The following RNASEH2B variants were observed in gnomAD, a reference collection of about 807,000 sequenced individuals.
RNASEH2B encodes ribonuclease H2 subunit B.
RNASEH2B carries 36 observed loss-of-function variants against 45.0 expected under a neutral mutation model. The ratio of observed to expected loss-of-function variants is 0.80; its 90% CI spans 0.61 to 1.06. The LOEUF (loss-of-function observed/expected upper bound fraction) is 1.06. Ranked by LOEUF, RNASEH2B falls within the 50% of genes least tolerant of loss-of-function variation. RNASEH2B has a pLI of 0.00. For synonymous variants in RNASEH2B, 119 were observed against 125.7 expected (o/e 0.95, Z 0.35); for missense variants, 361 against 360.3 (o/e 1.00, Z -0.02).
Position 50,948,388 on chromosome 13 carries a change from G to T in RNASEH2B, c.698+320G>T, listed in dbSNP as rs567896020. On this transcript the variant is annotated intron_variant, in intron 8 of 10. Transcript: ENST00000336617. The stretch of plus-strand genomic sequence containing the variant: ...TTCTTTGTGATCGTTTTAAGAGGAA[G>T]AAAGGAGGGATGGAAAGAGTAGATG... 30 of 221,870 alleles carry T rather than the reference G, an allele frequency of 1.4e-4. No individual in the cohort carries two copies. The Middle Eastern group carries it at 5.1e-3, about 38-fold the overall frequency. 13.7% of individuals were successfully genotyped at this position (221,870 alleles called of 1,614,324 possible). A position where few individuals can be genotyped will look rare whatever the true frequency, so the allele number is the denominator to read the frequency against.
At chr13:50,913,520 G>A (rs911592661) in intron 1 of RNASEH2B, among the ~76,000 whole-genome samples, 2 of 151,582 alleles carry the variant, frequency 1.3e-5, no homozygotes, top group East Asian at 1.9e-4. Context: ...ATCATTTCAG[G>A]CCTGTTAAAA....
At chr13:50,968,125 A>G (rs1048564622) in intron 9 of RNASEH2B, among the ~76,000 whole-genome samples, 1 of 152,186 alleles carries the variant, frequency 6.6e-6, no homozygotes, top group African/African-American at 2.4e-5. Flanking sequence ...CAGTATTTAA[A>G]TTGACCTTAG....
chr13:50,951,290 T>C (rs1002672266), intron 9 of RNASEH2B: 3 of 152,264 alleles, frequency 2.0e-5, no homozygotes, highest in East Asian at 1.9e-4. Context: ...CTAGCTTTCC[T>C]GTCTGTATCC....
chr13:50,961,241 C>T (rs1228194436), downstream of RNASEH2B, among the ~76,000 whole-genome samples: 1 of 152,026 alleles, frequency 6.6e-6, no homozygotes, highest in Non-Finnish European at 1.5e-5. Context: ...TTGTAAGTAT[C>T]CTATTTCTTA....
At chr13:50,964,355 TACTA>T (rs1407981902) in intron 9 of RNASEH2B, among the ~76,000 whole-genome samples, 120 of 152,350 alleles carry the variant, frequency 7.9e-4, no homozygotes, top group African/African-American at 2.5e-3. Context: ...TTCACTATAC[TACTA>T]ACTAATAATA....
intron 7 of RNASEH2B, among the ~76,000 whole-genome samples, chr13:50,946,502 T>C (rs578134460): frequency 6.6e-6 from 1 of 152,258 alleles, no homozygotes; most frequent in South Asian, 2.1e-4. Flanking sequence ...TTAATTGGCT[T>C]TAACAATAGA....
intron 1 of RNASEH2B, among the ~76,000 whole-genome samples, chr13:50,924,018 A>G (rs1447018064): frequency 6.6e-6 from 1 of 152,212 alleles, no homozygotes; most frequent in East Asian, 1.9e-4. Flanking sequence ...CACTAAGAAA[A>G]TAACTCCTTT....
downstream of RNASEH2B, among the ~76,000 whole-genome samples, chr13:50,958,711 T>A (rs1029000686): frequency 3.3e-5 from 5 of 152,230 alleles, no homozygotes; most frequent in African/African-American, 1.2e-4. Context: ...ATATGTTTTT[T>A]AATGACAGTA....
intron 5 of RNASEH2B, chr13:50,942,343 C>T (rs1951843173): frequency 6.6e-6 from 1 of 152,056 alleles, no homozygotes; most frequent in African/African-American, 2.4e-5. Flanking sequence ...CAGATTGAGC[C>T]TACCATAAAT....
chr13:50,961,227 G>A (rs1309291729), downstream of RNASEH2B, among the ~76,000 whole-genome samples: 1 of 151,918 alleles, frequency 6.6e-6, no homozygotes, highest in African/African-American at 2.4e-5. Flanking sequence ...AGTATTCTGG[G>A]ACTTTGTAAG....
At chr13:50,965,291 T>C (rs1458955903) in intron 9 of RNASEH2B, among the ~76,000 whole-genome samples, 1 of 152,246 alleles carries the variant, frequency 6.6e-6, no homozygotes, top group Non-Finnish European at 1.5e-5. Context: ...CAGTAGGCTG[T>C]ACCATATAGC....
chr13:50,919,925 A>G (rs945243306), intron 1 of RNASEH2B, among the ~76,000 whole-genome samples: 3 of 152,176 alleles, frequency 2.0e-5, no homozygotes, highest in Non-Finnish European at 4.4e-5. Context: ...ATTAGACACA[A>G]TTGTCTCTTT....
chr13:50,945,200 T>C (rs1428510059), intron 6 of RNASEH2B, among the ~76,000 whole-genome samples: 2 of 152,196 alleles, frequency 1.3e-5, no homozygotes, highest in African/African-American at 4.8e-5. Flanking sequence ...TCATATTGTG[T>C]AGGCCATGGA....
chr13:50,958,517 G>C (rs1454173866), downstream of RNASEH2B, among the ~76,000 whole-genome samples: 1 of 152,058 alleles, frequency 6.6e-6, no homozygotes, highest in Non-Finnish European at 1.5e-5. Flanking sequence ...TTTGCAGTTG[G>C]GTAATGTGAT....
chr13:50,921,820 A>G (rs1951527373), intron 1 of RNASEH2B, among the ~76,000 whole-genome samples: 1 of 152,194 alleles, frequency 6.6e-6, no homozygotes, highest in South Asian at 2.1e-4. Context: ...TATTCAAGAA[A>G]ATCTTCTGAA....
At chr13:50,926,997 T>A (rs1951606279) in intron 1 of RNASEH2B, among the ~76,000 whole-genome samples, 1 of 152,202 alleles carries the variant, frequency 6.6e-6, no homozygotes, top group Non-Finnish European at 1.5e-5. Flanking sequence ...ATGTTTCTAT[T>A]TGCTTGATTA....
intron 2 of RNASEH2B, among the ~76,000 whole-genome samples, chr13:50,928,932 CTTTTTTTTT>C (rs35147830): frequency 1.1e-5 from 1 of 87,880 alleles, no homozygotes; most frequent in Non-Finnish European, 2.2e-5. Flanking sequence ...TGCCTCCTCC[CTTTTTTTTT>C]TTTTTTTTTT....
chr13:50,948,296 GCT>G, intron 8 of RNASEH2B: 1 of 600,698 alleles, frequency 1.7e-6, no homozygotes. Flanking sequence ...TGGAATTATG[GCT>G]TGGTCTGATT....
intron 9 of RNASEH2B, chr13:50,953,675 C>T (rs1304648847): frequency 3.5e-6 from 2 of 577,644 alleles, no homozygotes; most frequent in African/African-American, 3.7e-5. Flanking sequence ...CATGTACTTA[C>T]CCAATCATAT....
Sources: allele counts gnomAD v4.1 joint callset (sites outside exome capture counted in the v4.1 genomes callset), GRCh38; gene constraint gnomAD v4.1.1; transcripts MANE v1.5; gene names NCBI Gene and HGNC (gene_info 2026-07-23, HGNC 2026-07-21).